HNF4G: variants seen among roughly 807,000 people sequenced by gnomAD.
HNF4G encodes the protein hepatocyte nuclear factor 4-gamma.
A neutral mutation model predicts 50.9 loss-of-function variants in HNF4G; 21 were observed. The observed-to-expected ratio is 0.41, with a 90% CI of 0.29 to 0.59. HNF4G has a LOEUF of 0.59. HNF4G is among the 20% of genes least tolerant of loss of function. The pLI is 0.26. For synonymous variants in HNF4G, 198 were observed against 185.6 expected (o/e 1.07, Z -0.54); for missense variants, 527 against 559.4 (o/e 0.94, Z 0.58).
chr8:75,558,956 C>A lies in HNF4G; in HGVS notation c.1042C>A (p.Gln348Lys), dbSNP rs748699561. Residue 348 changes from glutamine (Q) to lysine (K), a missense_variant, in exon 8 of 10, where the codon CAA becomes AAA. Gln to Lys is a moderately conservative substitution (Grantham distance 53). Around this residue, in one of 5 missense-constraint regions of HNF4G, gnomAD observed 308 missense variants for 301.5 expected, o/e 1.02. Coordinates refer to ENST00000396423, the MANE Select transcript of HNF4G (RefSeq NM_004133.5). ...LLPTLQSITWQMIEQIQFVKL... is the reference protein window; with the variant it reads ...LLPTLQSITWKMIEQIQFVKL... ...GCCCACACTGCAGAGCATCACGTGGCAAATGATTGAGCAAATACAGTTTGT... is the reference window on the plus strand; with the variant it reads ...GCCCACACTGCAGAGCATCACGTGGAAAATGATTGAGCAAATACAGTTTGT... 3.1e-6 allele frequency: 5 copies of A among 1,613,976 alleles called. No individual in the cohort carries two copies. In the South Asian group the frequency reaches 5.5e-5, roughly 18 times the overall value.
rs144335518 is a variant in HNF4G at position 75,501,946 on chromosome 8, G to A, written c.-24+11738G>A. On this transcript the variant is annotated intron_variant, in intron 2 of 10. Coordinates refer to the HNF4G transcript ENST00000354370. ...CGGCTCACTGCAACCTCCGCCTCCC[G>A]GGTTCAAGCGATTCTCCTGCCTTAG... Among the ~76,000 whole-genome samples the A allele has an allele frequency of 3.3e-5, 5 of 151,216 alleles. No homozygotes were observed. The East Asian group carries it at 5.9e-4, about 18-fold the overall frequency.
intron 8 of HNF4G, among the ~76,000 whole-genome samples, chr8:75,559,865 A>G (rs909180548): frequency 1.3e-5 from 2 of 152,198 alleles, no homozygotes; most frequent in African/African-American, 2.4e-5. Flanking sequence ...TTGTTGCAAT[A>G]CATGTCAGGA....
chr8:75,421,426 G>C (rs1314567900), intron 1 of HNF4G, among the ~76,000 whole-genome samples: 1 of 152,126 alleles, frequency 6.6e-6, no homozygotes, highest in South Asian at 2.1e-4. Context: ...TTTTAGATTA[G>C]ATATACCAGC....
At chr8:75,448,712 A>G (rs1811495233) in intron 1 of HNF4G, among the ~76,000 whole-genome samples, 1 of 151,978 alleles carries the variant, frequency 6.6e-6, no homozygotes, top group African/African-American at 2.4e-5. Flanking sequence ...AACACCTAAA[A>G]GGACAACTAT....
chr8:75,486,093 A>G (rs1349197332), intron 1 of HNF4G, among the ~76,000 whole-genome samples: 2 of 152,234 alleles, frequency 1.3e-5, no homozygotes, highest in African/African-American at 2.4e-5. Context: ...CCTTAATGCC[A>G]GACTTACAGA....
chr8:75,553,005 A>G (rs1807005799), intron 4 of HNF4G, 37 bp from the exon 5 acceptor site: 2 of 1,488,404 alleles, frequency 1.3e-6, no homozygotes, highest in Non-Finnish European at 1.8e-6. Flanking sequence ...GCCATCTATT[A>G]TTTTAAATGA....
At chr8:75,510,804 C>G (rs1486796819) in intron 2 of HNF4G, among the ~76,000 whole-genome samples, 2 of 151,880 alleles carry the variant, frequency 1.3e-5, no homozygotes, top group Admixed American at 1.3e-4. Context: ...TAACATATCT[C>G]CTGTGTGTGT....
At chr8:75,509,744 G>C (rs899154603) in intron 2 of HNF4G, among the ~76,000 whole-genome samples, 1 of 152,164 alleles carries the variant, frequency 6.6e-6, no homozygotes, top group African/African-American at 2.4e-5. Context: ...TGTCATAGCT[G>C]TTATAATGTC....
At chr8:75,509,401 G>A (rs1003483193) in intron 2 of HNF4G, among the ~76,000 whole-genome samples, 3 of 152,210 alleles carry the variant, frequency 2.0e-5, no homozygotes, top group Non-Finnish European at 4.4e-5. Flanking sequence ...AAAGACTGGG[G>A]AGACTAACAG....
chr8:75,500,726 T>C (rs1409665192), intron 2 of HNF4G, among the ~76,000 whole-genome samples: 1 of 152,156 alleles, frequency 6.6e-6, no homozygotes, highest in Non-Finnish European at 1.5e-5. Context: ...TGGATTAGCC[T>C]TGAAAACATT....
intron 1 of HNF4G, among the ~76,000 whole-genome samples, chr8:75,412,659 CACT>C (rs1810527709): frequency 6.6e-6 from 1 of 152,008 alleles, no homozygotes; most frequent in African/African-American, 2.4e-5. Context: ...TGGGCTTATG[CACT>C]GTCTTGTGCT....
intron 2 of HNF4G, among the ~76,000 whole-genome samples, chr8:75,498,385 A>G (rs1238316695): frequency 6.6e-6 from 1 of 152,172 alleles, no homozygotes; most frequent in Non-Finnish European, 1.5e-5. Flanking sequence ...GAATAGGCTT[A>G]TAATATGTAA....
intron 1 of HNF4G, among the ~76,000 whole-genome samples, chr8:75,445,034 G>A (rs1418231473): frequency 3.3e-5 from 5 of 150,458 alleles, no homozygotes; most frequent in Non-Finnish European, 7.4e-5. Flanking sequence ...TGGAAGTAAA[G>A]CTCTCCTCAG....
intron 1 of HNF4G, among the ~76,000 whole-genome samples, chr8:75,461,741 T>TATAC (rs1411274626): frequency 6.6e-6 from 1 of 151,730 alleles, no homozygotes; most frequent in Non-Finnish European, 1.5e-5. Context: ...GTTTTTTTCC[T>TATAC]ATACATACAT....
chr8:75,516,178 C>T (rs1017109318), intron 2 of HNF4G, among the ~76,000 whole-genome samples: 1 of 152,218 alleles, frequency 6.6e-6, no homozygotes, highest in East Asian at 1.9e-4. Context: ...TTAGCCCAGT[C>T]AAGTTGAAAC....
chr8:75,508,634 C>A (rs1309830132), intron 2 of HNF4G, among the ~76,000 whole-genome samples: 2 of 152,108 alleles, frequency 1.3e-5, no homozygotes, highest in African/African-American at 2.4e-5. Flanking sequence ...GAAAGCACAA[C>A]TCAAGTATTG....
upstream of HNF4G, among the ~76,000 whole-genome samples, chr8:75,537,002 G>A (rs1039558483): frequency 1.3e-5 from 2 of 152,020 alleles, no homozygotes; most frequent in Admixed American, 6.6e-5. Flanking sequence ...ATATAAGAGA[G>A]CCTGTAATCT....
intron 2 of HNF4G, among the ~76,000 whole-genome samples, chr8:75,532,378 A>C (rs1304234182): frequency 1.3e-5 from 2 of 152,088 alleles, no homozygotes; most frequent in Non-Finnish European, 2.9e-5. Flanking sequence ...GTGACATTGC[A>C]TACTCTTGTA....
At chr8:75,473,658 C>A (rs936277899) in intron 1 of HNF4G, among the ~76,000 whole-genome samples, 1 of 152,134 alleles carries the variant, frequency 6.6e-6, no homozygotes, top group Non-Finnish European at 1.5e-5. Flanking sequence ...TCTCCATCAT[C>A]CACAATAAGA....
Sources: allele counts gnomAD v4.1 joint callset (sites outside exome capture counted in the v4.1 genomes callset), GRCh38; gene constraint gnomAD v4.1.1; regional missense constraint gnomAD v4.1.1; transcripts MANE v1.5; gene names NCBI Gene and HGNC (gene_info 2026-07-23, HGNC 2026-07-21).